CLPX: variants seen among roughly 807,000 people sequenced by gnomAD.
CLPX encodes the protein ATP-dependent clpX-like chaperone, mitochondrial.
CLPX carries 34 observed loss-of-function variants against 76.4 expected under a neutral mutation model. That is an observed-to-expected ratio of 0.45 (90% CI 0.34 to 0.59). The LOEUF (loss-of-function observed/expected upper bound fraction) is 0.59, where lower values mean the gene tolerates loss of function less well. Ranked by LOEUF, CLPX falls within the 20% of genes least tolerant of loss-of-function variation. The pLI, the probability that CLPX is intolerant of heterozygous loss-of-function variation, is 0.01. For missense variants in CLPX, 613 were observed against 757.0 expected, an observed-to-expected ratio of 0.81 and a Z score of 2.23; for synonymous variants, 248 against 270.9, an observed-to-expected ratio of 0.92 and a Z score of 0.83.
At chr15:65,172,597 A>C (rs1489028401) in intron 3 of CLPX, among the ~76,000 whole-genome samples, 1 of 152,140 alleles carries the variant, frequency 6.6e-6, no homozygotes, top group Admixed American at 6.6e-5. Flanking sequence ...ACACCACTGC[A>C]CTCCAGTCTG....
Position 65,166,566 on chromosome 15 carries a change from G to A in CLPX, c.513+65C>T, listed in dbSNP as rs920856857. The A allele has an allele frequency of 2.6e-6, 4 of 1,521,696 alleles. No individual in the cohort carries two copies. In the African/African-American group the frequency reaches 5.5e-5, roughly 21 times the overall value. 94.3% of individuals were successfully genotyped at this position (1,521,696 alleles called of 1,614,324 possible). ...AGTATTAGGATTCAGTGTAAACTTG[G>A]GAGAGGGAAGCAATGGAATGTTTTC... On this transcript the variant is annotated intron_variant, in intron 4 of 13. Transcript: ENST00000300107.
At chr15:65,152,409 T>C (rs867075776) in intron 13 of CLPX, 21 bp downstream of exon 13, 1 of 1,268,292 alleles carries the variant, frequency 7.9e-7, no homozygotes. Context: ...GTATCTGTTC[T>C]GGCTTGAAAA....
At chr15:65,166,489 A>ATT (rs1188153948) in intron 4 of CLPX, 142 bp downstream of exon 4, 5 of 857,124 alleles carry the variant, frequency 5.8e-6, no homozygotes, top group Non-Finnish European at 9.1e-6. Flanking sequence ...GGCAATAACA[A>ATT]TTTAGCCACA....
intron 6 of CLPX, among the ~76,000 whole-genome samples, chr15:65,161,618 C>G (rs2087857288): frequency 6.6e-6 from 1 of 152,076 alleles, no homozygotes; most frequent in South Asian, 2.1e-4. Context: ...ACTTTCTTTA[C>G]TAATTTAGTA....
At chr15:65,161,055 G>A (rs1421120317) in intron 6 of CLPX, among the ~76,000 whole-genome samples, 1 of 152,158 alleles carries the variant, frequency 6.6e-6, no homozygotes, top group Non-Finnish European at 1.5e-5. Context: ...CATGGGTTTA[G>A]GGGAGATTAA....
rs866472496 is a variant in CLPX, at chr15:65,149,586, G to T, written c.*1237C>A. On this transcript the variant is annotated 3_prime_UTR_variant, in exon 14 of 14. Transcript: ENST00000300107. ...GATTAAAGATGGTAAATAAGGCCGG[G>T]TGTGGTGGCTTACGCCTGCAATCCC... 4 of 453,612 alleles carry T rather than the reference G, an allele frequency of 8.8e-6. 1 individual carries two copies. In the Middle Eastern group the frequency reaches 9.8e-4, roughly 111 times the overall value. The allele number at this position is 453,612 out of a possible 1,614,324, so 28.1% of individuals were successfully genotyped here.
chr15:65,167,863 G>C (rs913761574), intron 3 of CLPX, among the ~76,000 whole-genome samples: 4 of 151,784 alleles, frequency 2.6e-5, no homozygotes, highest in Non-Finnish European at 4.4e-5. Flanking sequence ...ACTCCAGCCT[G>C]GGAGATAGAG....
chr15:65,160,623 T>TCTCTCACACACACACA (rs1219208926), intron 6 of CLPX, among the ~76,000 whole-genome samples: 8 of 101,028 alleles, frequency 7.9e-5, no homozygotes, highest in South Asian at 3.9e-4. Context: ...TCTCTCTCTC[T>TCTCTCACACACACACA]CACACACACA....
At chr15:65,152,285 A>T (rs532198217) in intron 13 of CLPX, 145 bp downstream of exon 13, 1 of 378,696 alleles carries the variant, frequency 2.6e-6, no homozygotes, top group Non-Finnish European at 4.7e-6. Flanking sequence ...CCCAAATTAG[A>T]TTTTTCTACA....
chr15:65,158,890 G>A, intron 6 of CLPX, 139 bp from the exon 7 acceptor site: 1 of 640,922 alleles, frequency 1.6e-6, no homozygotes, highest in East Asian at 2.9e-5. Context: ...ACCTACAAAG[G>A]AGAAAAATCT....
chr15:65,165,647 A>G (rs1418167269), intron 4 of CLPX, among the ~76,000 whole-genome samples: 2 of 151,968 alleles, frequency 1.3e-5, no homozygotes, highest in African/African-American at 4.8e-5. Context: ...GGCCTCCCAA[A>G]GTGCTGGGAT....
chr15:65,181,245 G>A lies in CLPX; in HGVS notation c.80-1041C>T, dbSNP rs560984429. Among the ~76,000 whole-genome samples the A allele has an allele frequency of 4.6e-5, 7 of 152,006 alleles. No homozygotes were observed. The South Asian group carries it at 6.2e-4, about 14-fold the overall frequency. ...AAAAATTGTGTTATTCCACTTACAC[G>A]TGGTACTTAGAAGGCAAAATCATAG... On this transcript the variant is annotated intron_variant, in intron 1 of 13. Coordinates refer to ENST00000300107, the MANE Select transcript of CLPX (RefSeq NM_006660.5).
Position 65,148,828 on chromosome 15 carries a change from T to C in CLPX, c.*1995A>G, listed in dbSNP as rs1365554928. ...GAATATAGAACTTGTACCACCATTATAGAAGGAAAGAAAAAAAGCTTAAAA... is the reference window on the plus strand; with the variant it reads ...GAATATAGAACTTGTACCACCATTACAGAAGGAAAGAAAAAAAGCTTAAAA... On this transcript the variant is annotated 3_prime_UTR_variant, in exon 14 of 14. Transcript: ENST00000300107. The C allele has an allele frequency of 1.3e-5, 2 of 151,842 alleles. No individual in the cohort carries two copies. The highest frequency in any genetic ancestry group is 2.9e-5 in the Non-Finnish European group (2 of 67,970). The allele number at this position is 151,842 out of a possible 1,614,324, so 9.4% of individuals were successfully genotyped here.
intron 3 of CLPX, among the ~76,000 whole-genome samples, chr15:65,170,235 T>C (rs2087981820): frequency 6.6e-6 from 1 of 152,070 alleles, no homozygotes; most frequent in African/African-American, 2.4e-5. Context: ...AGAGAATCTC[T>C]TATAGGTACA....
rs536364674 is a variant in CLPX at position 65,158,817 on chromosome 15, A to C, written c.716-66T>G. On this transcript the variant is annotated intron_variant, in intron 6 of 13. Coordinates refer to ENST00000300107, the MANE Select transcript of CLPX (RefSeq NM_006660.5). ...ATTTACTTGAAGAAAATGTCCCATA[A>C]AAACTTTTATCTAAAACTAAATATC... The C allele has an allele frequency of 2.9e-6, 4 of 1,356,868 alleles. No individual in the cohort carries two copies. The Admixed American group carries it at 9.9e-5, about 34-fold the overall frequency. 84.1% of individuals were successfully genotyped at this position (1,356,868 alleles called of 1,614,324 possible).
chr15:65,180,545 T>C (rs1566987472), intron 1 of CLPX, among the ~76,000 whole-genome samples: 1 of 151,168 alleles, frequency 6.6e-6, no homozygotes, highest in African/African-American at 2.4e-5. Context: ...TTATGCCCTA[T>C]ATTCTTATTA....
At chr15:65,173,465 AC>A (rs1304518788) in intron 3 of CLPX, among the ~76,000 whole-genome samples, 1 of 152,110 alleles carries the variant, frequency 6.6e-6, no homozygotes, top group Admixed American at 6.6e-5. Context: ...GTAAAATGGT[AC>A]AGCTGCTATG....
chr15:65,151,780 T>TAA (rs2087724002), intron 13 of CLPX, among the ~76,000 whole-genome samples: 1 of 152,174 alleles, frequency 6.6e-6, no homozygotes, highest in Non-Finnish European at 1.5e-5. Context: ...CAAGCAAACA[T>TAA]AAAACATAAC....
chr15:65,152,294 C>G (rs2087731509), intron 13 of CLPX, 136 bp downstream of exon 13: 2 of 382,496 alleles, frequency 5.2e-6, no homozygotes, highest in South Asian at 1.0e-4. Context: ...GATTTTTCTA[C>G]AGAAAACTTG....
Sources: gnomAD v4.1 joint callset for allele counts (sites outside exome capture counted in the v4.1 genomes callset) on GRCh38, gnomAD v4.1.1 for gene constraint, MANE v1.5 for transcripts, NCBI Gene and HGNC (gene_info 2026-07-23, HGNC 2026-07-21) for gene names.